The following CNTNAP2 variants were observed in gnomAD, a reference collection of about 807,000 sequenced individuals.
CNTNAP2 encodes contactin-associated protein-like 2.
Under a neutral mutation model 155.2 loss-of-function variants are expected in CNTNAP2, and 98 were observed. That is an observed-to-expected ratio of 0.63 (90% CI 0.54 to 0.75). The LOEUF is 0.75. Ranked by LOEUF, CNTNAP2 falls within the 30% of genes least tolerant of loss-of-function variation. CNTNAP2 has a pLI of 0.00. For synonymous variants in CNTNAP2, 651 were observed against 631.2 expected (o/e 1.03, Z -0.47); for missense variants, 1,727 against 1,688.1 (o/e 1.02, Z -0.40).
chr7:146,752,576 C>T (rs1801924848), intron 1 of CNTNAP2, among the ~76,000 whole-genome samples: 1 of 152,146 alleles, frequency 6.6e-6, no homozygotes, highest in African/African-American at 2.4e-5. Context: ...GTTGCTGATT[C>T]ACTCTGATGC....
intron 11 of CNTNAP2, among the ~76,000 whole-genome samples, chr7:147,554,862 A>C (rs1370113229): frequency 1.3e-5 from 2 of 152,134 alleles, no homozygotes; most frequent in Non-Finnish European, 2.9e-5. Flanking sequence ...AAAAAAATCC[A>C]AACAGACAGA....
chr7:146,817,432 A>C (rs926497865), intron 2 of CNTNAP2, among the ~76,000 whole-genome samples: 2 of 151,910 alleles, frequency 1.3e-5, no homozygotes, highest in Non-Finnish European at 2.9e-5. Context: ...AGATCGTGCC[A>C]CTGCACTCCA....
intron 4 of CNTNAP2, among the ~76,000 whole-genome samples, chr7:147,107,584 A>C (rs947333336): frequency 9.2e-5 from 14 of 152,108 alleles, no homozygotes; most frequent in African/African-American, 3.4e-4. Context: ...AATGGTAAGA[A>C]GTTTCTGAAA....
intron 21 of CNTNAP2, among the ~76,000 whole-genome samples, chr7:148,332,656 A>G (rs1259488967): frequency 1.3e-5 from 2 of 152,220 alleles, no homozygotes; most frequent in African/African-American, 4.8e-5. Flanking sequence ...GAAAAATTTC[A>G]CACATTATCG....
intron 3 of CNTNAP2, among the ~76,000 whole-genome samples, chr7:147,017,278 A>G (rs1051444959): frequency 6.7e-6 from 1 of 149,586 alleles, no homozygotes; most frequent in Non-Finnish European, 1.5e-5. Flanking sequence ...CACGTTATTT[A>G]ACTGGAAAGT....
intron 12 of CNTNAP2, among the ~76,000 whole-genome samples, chr7:147,575,292 GTA>G (rs1224936105): frequency 2.8e-5 from 4 of 140,996 alleles, no homozygotes; most frequent in Non-Finnish European, 6.1e-5. Context: ...ATGTGTGTGT[GTA>G]TTCCCTAGCT....
intron 3 of CNTNAP2, among the ~76,000 whole-genome samples, chr7:146,869,033 C>A (rs1795256479): frequency 6.6e-6 from 1 of 152,160 alleles, no homozygotes. Context: ...ATTGCTCTGG[C>A]TAGGACTTCC....
chr7:146,536,370 A>T (rs1797868846), intron 1 of CNTNAP2, among the ~76,000 whole-genome samples: 1 of 152,172 alleles, frequency 6.6e-6, no homozygotes, highest in East Asian at 1.9e-4. Context: ...AATAAAGGAA[A>T]CCCTTTCCAA....
intron 11 of CNTNAP2, among the ~76,000 whole-genome samples, chr7:147,546,410 T>A (rs1288564910): frequency 6.6e-6 from 1 of 152,200 alleles, no homozygotes; most frequent in Admixed American, 6.5e-5. Context: ...TATATATTAA[T>A]TCATTAAAAG....
intron 14 of CNTNAP2, among the ~76,000 whole-genome samples, chr7:147,970,255 G>T (rs1801310963): frequency 6.6e-6 from 1 of 152,226 alleles, no homozygotes; most frequent in Non-Finnish European, 1.5e-5. Context: ...ACAACCCAAA[G>T]ATTATTTAAT....
At chr7:147,171,471 A>G (rs1394485537) in intron 8 of CNTNAP2, among the ~76,000 whole-genome samples, 1 of 152,222 alleles carries the variant, frequency 6.6e-6, no homozygotes, top group African/African-American at 2.4e-5. Flanking sequence ...GACACCATTC[A>G]GTGTCAGCTA....
chr7:147,861,065 G>A (rs1799126187), intron 13 of CNTNAP2, among the ~76,000 whole-genome samples: 2 of 152,138 alleles, frequency 1.3e-5, no homozygotes, highest in African/African-American at 4.8e-5. Flanking sequence ...TTTTCTTGTA[G>A]GTGTTCCTTT....
chr7:146,231,314 C>T (rs1246555965), intron 1 of CNTNAP2, among the ~76,000 whole-genome samples: 2 of 152,170 alleles, frequency 1.3e-5, no homozygotes, highest in Non-Finnish European at 2.9e-5. Flanking sequence ...TTGGCCACAT[C>T]TCCTTAGTAA....
At position 146,682,341 on chromosome 7, in the gene CNTNAP2, T is replaced by C. The variant is rs189998118; in HGVS notation, c.98-91930T>C. On this transcript the variant is annotated intron_variant, in intron 1 of 23. Transcript: ENST00000361727. ...CATAACGTTCAGCCAGCAAAGGTTA[T>C]ATTACATTAATCTTTGTACACTGCT... 2.2e-3 allele frequency among the ~76,000 whole-genome samples: 338 copies of C among 152,330 alleles called. 3 individuals carry two copies. Among genetic ancestry groups the C allele is most frequent in the African/African-American group, 8.0e-3 (333 of 41,580 alleles).
At position 147,618,679 on chromosome 7, in the gene CNTNAP2, CTATTATATATATATAATAACAGCTATTAT is replaced by C. The variant is rs1563024210; in HGVS notation, c.1898-20426_1898-20398del. On this transcript the variant is annotated intron_variant, in intron 12 of 23. Coordinates refer to ENST00000361727, the MANE Select transcript of CNTNAP2 (RefSeq NM_014141.6). Reference sequence around the variant, plus strand: ...ACAGCTATTATATATATAATAACAGCTATTATATATATATAATAACAGCTATTATACACACACACACACACACACACACT... The same window carrying C: ...ACAGCTATTATATATATAATAACAGCACACACACACACACACACACACACT... 4.6e-3 allele frequency among the ~76,000 whole-genome samples: 672 copies of C among 147,200 alleles called. 4 individuals are homozygous for C. Among genetic ancestry groups the C allele is most frequent in the African/African-American group, 0.015 (598 of 39,516 alleles).
intron 4 of CNTNAP2, chr7:147,082,549 T>A (rs1357605435): frequency 2.0e-5 from 3 of 152,228 alleles, no homozygotes; most frequent in African/African-American, 7.2e-5. Context: ...CCTTGCGCTT[T>A]CATTGAACAG....
At chr7:146,579,213 G>T (rs370494468) in intron 1 of CNTNAP2, among the ~76,000 whole-genome samples, 7 of 151,794 alleles carry the variant, frequency 4.6e-5, no homozygotes, top group African/African-American at 1.5e-4. Flanking sequence ...AATTTTTTTT[G>T]TTGTTGTTAA....
chr7:147,558,053 AT>A (rs1799985241), intron 11 of CNTNAP2, among the ~76,000 whole-genome samples: 1 of 152,158 alleles, frequency 6.6e-6, no homozygotes, highest in South Asian at 2.1e-4. Context: ...CTAGATACAT[AT>A]TTTTAAATGT....
intron 1 of CNTNAP2, among the ~76,000 whole-genome samples, chr7:146,476,354 A>T (rs572247551): frequency 6.6e-6 from 1 of 152,352 alleles, no homozygotes; most frequent in African/African-American, 2.4e-5. Flanking sequence ...GGAAAATTAT[A>T]CACTTGTTTA....
Sources: gnomAD v4.1 joint callset for allele counts (sites outside exome capture counted in the v4.1 genomes callset) on GRCh38, gnomAD v4.1.1 for gene constraint, MANE v1.5 for transcripts, NCBI Gene and HGNC (gene_info 2026-07-23, HGNC 2026-07-21) for gene names.